The following SLC35F3 variants were observed in gnomAD, a reference collection of about 807,000 sequenced individuals.
SLC35F3 encodes putative thiamine transporter SLC35F3.
Under a neutral mutation model 49.9 loss-of-function variants are expected in SLC35F3, and 25 were observed. The observed-to-expected ratio is 0.50, with a 90% CI of 0.37 to 0.70. The LOEUF is 0.70. Ranked by LOEUF, SLC35F3 falls within the 30% of genes least tolerant of loss-of-function variation. The pLI is 0.00. For missense variants in SLC35F3, 525 were observed against 639.8 expected, an observed-to-expected ratio of 0.82 and a Z score of 1.94; for synonymous variants, 275 against 265.4, an observed-to-expected ratio of 1.04 and a Z score of -0.35.
intron 2 of SLC35F3, among the ~76,000 whole-genome samples, chr1:233,935,107 C>T (rs2083246235): frequency 1.4e-5 from 2 of 143,318 alleles, no homozygotes; most frequent in South Asian, 4.7e-4. Flanking sequence ...TTTAAAGTTT[C>T]ATTCTGGTGA....
chr1:234,168,352 C>T (rs957562383), intron 2 of SLC35F3, among the ~76,000 whole-genome samples: 2 of 152,244 alleles, frequency 1.3e-5, no homozygotes, highest in African/African-American at 4.8e-5. Context: ...TCCCTGCTGA[C>T]GTGGCATGTC....
chr1:234,278,024 T>G (rs1464025281), intron 3 of SLC35F3, among the ~76,000 whole-genome samples: 1 of 151,956 alleles, frequency 6.6e-6, no homozygotes, highest in Non-Finnish European at 1.5e-5. Flanking sequence ...TGAAACCCCA[T>G]CTCTACAAAA....
chr1:234,284,031 G>A (rs1442435705), intron 3 of SLC35F3, among the ~76,000 whole-genome samples: 1 of 151,980 alleles, frequency 6.6e-6, no homozygotes, highest in Non-Finnish European at 1.5e-5. Flanking sequence ...TCAGCACCAG[G>A]AGTAGCTGGG....
At chr1:234,003,544 A>G (rs758028279) in intron 2 of SLC35F3, among the ~76,000 whole-genome samples, 5 of 152,218 alleles carry the variant, frequency 3.3e-5, no homozygotes, top group Admixed American at 2.0e-4. Context: ...ATGAAACTTT[A>G]TTAGAAAAAA....
intron 2 of SLC35F3, among the ~76,000 whole-genome samples, chr1:234,217,720 C>T (rs72632289): frequency 0.13 from 19,136 of 151,644 alleles, 3,017 homozygotes; most frequent in East Asian, 0.8. Flanking sequence ...AAGGCCTTGC[C>T]GGGGAAGCCT....
intron 2 of SLC35F3, among the ~76,000 whole-genome samples, chr1:234,007,832 A>G (rs902342865): frequency 1.3e-5 from 2 of 152,182 alleles, no homozygotes; most frequent in African/African-American, 4.8e-5. Context: ...AAATTCATGG[A>G]TTTCCCAGGA....
intron 2 of SLC35F3, among the ~76,000 whole-genome samples, chr1:234,179,058 C>T (rs755327059): frequency 3.9e-5 from 6 of 152,130 alleles, no homozygotes; most frequent in Non-Finnish European, 5.9e-5. Context: ...GTGATACAGG[C>T]AGCCCCAGGT....
intron 3 of SLC35F3, among the ~76,000 whole-genome samples, chr1:234,287,684 T>G (rs776351662): frequency 9.2e-5 from 14 of 152,186 alleles, no homozygotes; most frequent in Non-Finnish European, 2.1e-4. Context: ...GTCAGTATCC[T>G]ACCCAGGATT....
At chr1:234,185,648 T>C (rs1403390856) in intron 2 of SLC35F3, among the ~76,000 whole-genome samples, 2 of 152,188 alleles carry the variant, frequency 1.3e-5, no homozygotes, top group African/African-American at 4.8e-5. Flanking sequence ...AAGCCATCTC[T>C]GCTTTACAGA....
intron 2 of SLC35F3, among the ~76,000 whole-genome samples, chr1:233,955,846 C>G: frequency 6.9e-6 from 1 of 145,010 alleles, no homozygotes; most frequent in Non-Finnish European, 1.5e-5. Flanking sequence ...CATTGTTGAC[C>G]ACAAGGGAGT....
intron 2 of SLC35F3, among the ~76,000 whole-genome samples, chr1:234,053,202 T>C (rs144572064): frequency 0.028 from 4,318 of 152,300 alleles, 74 homozygotes; most frequent in Middle Eastern, 0.061. Flanking sequence ...TTGTTAACTT[T>C]CTGTCTCGTT....
chr1:234,057,921 G>C (rs1375208983), intron 2 of SLC35F3, among the ~76,000 whole-genome samples: 1 of 152,104 alleles, frequency 6.6e-6, no homozygotes, highest in Non-Finnish European at 1.5e-5. Flanking sequence ...TGACCAGGCT[G>C]GTCTCGAACT....
chr1:233,932,043 G>A (rs1179940151), intron 2 of SLC35F3, among the ~76,000 whole-genome samples: 1 of 152,168 alleles, frequency 6.6e-6, no homozygotes, highest in South Asian at 2.1e-4. Flanking sequence ...TATCACAAGA[G>A]CAGAAAACCA....
chr1:234,093,189 C>A (rs1665068224), intron 2 of SLC35F3, among the ~76,000 whole-genome samples: 2 of 152,156 alleles, frequency 1.3e-5, no homozygotes, highest in African/African-American at 2.4e-5. Flanking sequence ...ATGTGCAGGA[C>A]AATATTAATT....
At chr1:234,188,616 C>T (rs1173225558) in intron 2 of SLC35F3, among the ~76,000 whole-genome samples, 1 of 152,164 alleles carries the variant, frequency 6.6e-6, no homozygotes, top group East Asian at 1.9e-4. Flanking sequence ...CCTACTCACC[C>T]TGGTAGCTGA....
chr1:234,088,705 C>A (rs1027565072), intron 2 of SLC35F3, among the ~76,000 whole-genome samples: 9 of 152,180 alleles, frequency 5.9e-5, no homozygotes, highest in African/African-American at 1.9e-4. Context: ...CTGCACACCA[C>A]AGACTATTAG....
chr1:233,978,583 T>C (rs980726373), intron 2 of SLC35F3, among the ~76,000 whole-genome samples: 1 of 152,220 alleles, frequency 6.6e-6, no homozygotes. Flanking sequence ...CAATCCAGGA[T>C]CCCTGTGGGG....
At chr1:234,287,137 T>C (rs1313658758) in intron 3 of SLC35F3, among the ~76,000 whole-genome samples, 1 of 152,084 alleles carries the variant, frequency 6.6e-6, no homozygotes, top group Non-Finnish European at 1.5e-5. Context: ...AGTTCCAGGC[T>C]CCAGGGAGCT....
chr1:234,062,832 C>A (rs1664562675), intron 2 of SLC35F3, among the ~76,000 whole-genome samples: 1 of 149,940 alleles, frequency 6.7e-6, no homozygotes, highest in South Asian at 2.1e-4. Context: ...AGGTGCCCAC[C>A]ACGCCTGGCT....
Sources: gnomAD v4.1 joint callset for allele counts (sites outside exome capture counted in the v4.1 genomes callset) on GRCh38, gnomAD v4.1.1 for gene constraint, MANE v1.5 for transcripts, NCBI Gene and HGNC (gene_info 2026-07-23, HGNC 2026-07-21) for gene names.